The following GRAMD2B variants were observed in gnomAD, a reference collection of about 807,000 sequenced individuals.
GRAMD2B encodes GRAM domain containing 2B, also known as GRAM domain-containing protein 2B.
A neutral mutation model predicts 59.2 loss-of-function variants in GRAMD2B; 41 were observed. The observed-to-expected ratio is 0.69, with a 90% CI of 0.54 to 0.90. The LOEUF (loss-of-function observed/expected upper bound fraction) is 0.90, where lower values mean the gene tolerates loss of function less well. GRAMD2B is among the 40% of genes least tolerant of loss of function. The probability of loss-of-function intolerance (pLI) is 0.00; values close to 1 mark genes in which losing one functional copy is unlikely to be tolerated. For synonymous variants in GRAMD2B, 161 were observed against 182.7 expected (o/e 0.88, Z 0.96); for missense variants, 424 against 500.5 (o/e 0.85, Z 1.46).
intron 1 of GRAMD2B, among the ~76,000 whole-genome samples, chr5:126,389,340 T>C (rs1278429314): frequency 6.6e-6 from 1 of 152,224 alleles, no homozygotes; most frequent in Non-Finnish European, 1.5e-5. Flanking sequence ...TCATCTCACA[T>C]ATTGCTTTAT....
chr5:126,364,426 T>G (rs760232086), intron 1 of GRAMD2B, among the ~76,000 whole-genome samples: 1 of 152,234 alleles, frequency 6.6e-6, no homozygotes, highest in Non-Finnish European at 1.5e-5. Context: ...TCTATCTAAT[T>G]ACTTCACACA....
intron 1 of GRAMD2B, among the ~76,000 whole-genome samples, chr5:126,429,975 A>G (rs1761304729): frequency 6.6e-6 from 1 of 152,130 alleles, no homozygotes; most frequent in Admixed American, 6.5e-5. Flanking sequence ...TGAGCTTTTT[A>G]CTCATGGACT....
In GRAMD2B at chr5:126,384,523, A is replaced by T. The variant is rs565836851; in HGVS notation, c.125+12956A>T. ...CCCCATAAGGGCAGGGTAATATTCC[A>T]TGAGGAGATCTCACTTCAAACATGC... is the stretch of plus-strand genomic sequence containing the variant. On this transcript the variant is annotated intron_variant, in intron 1 of 8. Transcript: ENST00000506445. Among the ~76,000 whole-genome samples the T allele has an allele frequency of 1.1e-4, 16 of 152,368 alleles. No homozygotes were observed. In the South Asian group the frequency reaches 1.2e-3, roughly 12 times the overall value.
intron 1 of GRAMD2B, among the ~76,000 whole-genome samples, chr5:126,373,812 C>T (rs1169682262): frequency 6.6e-6 from 1 of 152,078 alleles, no homozygotes; most frequent in Non-Finnish European, 1.5e-5. Flanking sequence ...TGAGAAGGAG[C>T]GTGGTTGCCC....
chr5:126,394,101 T>C (rs7731430), intron 1 of GRAMD2B, among the ~76,000 whole-genome samples: 95 of 151,042 alleles, frequency 6.3e-4, no homozygotes, highest in Admixed American at 2.0e-3. Context: ...GGTGAAACCC[T>C]GTCTCTACTA....
chr5:126,381,964 C>G (rs1755697862), intron 1 of GRAMD2B, among the ~76,000 whole-genome samples: 1 of 152,038 alleles, frequency 6.6e-6, no homozygotes, highest in Admixed American at 6.6e-5. Flanking sequence ...CTTAGTTTTG[C>G]TGGGTACAAA....
chr5:126,363,795 G>T (rs531728521), intron 1 of GRAMD2B, among the ~76,000 whole-genome samples: 1 of 152,148 alleles, frequency 6.6e-6, no homozygotes, highest in South Asian at 2.1e-4. Context: ...GTAGGTTAGT[G>T]GTTGCTTAGG....
chr5:126,423,120 C>A (rs1306800017), upstream of GRAMD2B: 2 of 984,572 alleles, frequency 2.0e-6, no homozygotes, highest in Admixed American at 1.2e-4. Context: ...GACAGGGCGT[C>A]CCACTCAGAC....
At chr5:126,467,261 C>A (rs556652592) in intron 2 of GRAMD2B, among the ~76,000 whole-genome samples, 1 of 152,072 alleles carries the variant, frequency 6.6e-6, no homozygotes, top group South Asian at 2.1e-4. Flanking sequence ...CAGAGTGAGA[C>A]TTTGTCTCTA....
chr5:126,460,164 G>T (rs1259542437), intron 1 of GRAMD2B, among the ~76,000 whole-genome samples: 1 of 152,178 alleles, frequency 6.6e-6, no homozygotes, highest in Non-Finnish European at 1.5e-5. Context: ...AGAATAGCAT[G>T]CTGTCTATCA....
chr5:126,437,736 A>G (rs1207411934), intron 1 of GRAMD2B, among the ~76,000 whole-genome samples: 1 of 152,258 alleles, frequency 6.6e-6, no homozygotes, highest in East Asian at 1.9e-4. Flanking sequence ...ATCCCAAAAG[A>G]TAGTCACCAG....
intron 1 of GRAMD2B, among the ~76,000 whole-genome samples, chr5:126,444,342 G>A (rs926463348): frequency 6.6e-6 from 1 of 152,176 alleles, no homozygotes; most frequent in Non-Finnish European, 1.5e-5. Flanking sequence ...CCTCTCTAAG[G>A]TAACTTGCCT....
chr5:126,377,022 C>T (rs1005464595), intron 1 of GRAMD2B, among the ~76,000 whole-genome samples: 11 of 151,560 alleles, frequency 7.3e-5, no homozygotes, highest in African/African-American at 2.7e-4. Context: ...GAATAAAACT[C>T]GCCAGCAGTG....
chr5:126,376,918 A>G (rs1057251507), intron 1 of GRAMD2B, among the ~76,000 whole-genome samples: 2 of 151,994 alleles, frequency 1.3e-5, no homozygotes, highest in African/African-American at 4.8e-5. Context: ...AAATTGCACC[A>G]GGATATAGTG....
Position 126,423,867 on chromosome 5 carries a change from A to T in GRAMD2B, c.83+178A>T, listed in dbSNP as rs147284600. Among the ~76,000 whole-genome samples the T allele has an allele frequency of 3.6e-4, 55 of 152,264 alleles. No individual in the cohort carries two copies. The East Asian group carries it at 0.01, about 28-fold the overall frequency. Reference sequence around the variant, plus strand: ...TCTGTCTAGATATTCAGTTAAGGAGATGGTTTAGATTGATTGAAAAGTCTA... The same window carrying T: ...TCTGTCTAGATATTCAGTTAAGGAGTTGGTTTAGATTGATTGAAAAGTCTA... On this transcript the variant is annotated intron_variant, in intron 1 of 13. Coordinates refer to ENST00000285689, the MANE Select transcript of GRAMD2B (RefSeq NM_023927.4).
At chr5:126,434,486 T>C (rs1415045625) in intron 1 of GRAMD2B, among the ~76,000 whole-genome samples, 1 of 152,084 alleles carries the variant, frequency 6.6e-6, no homozygotes, top group Non-Finnish European at 1.5e-5. Context: ...ATTCTTGACT[T>C]TCCCACATGA....
At chr5:126,465,887 T>A (rs1455849382) in intron 2 of GRAMD2B, among the ~76,000 whole-genome samples, 3 of 152,030 alleles carry the variant, frequency 2.0e-5, no homozygotes, top group African/African-American at 7.3e-5. Context: ...TGTCTCACTT[T>A]CCTAGGGGCC....
At chr5:126,385,247 A>T (rs779191997) in intron 1 of GRAMD2B, among the ~76,000 whole-genome samples, 1 of 152,176 alleles carries the variant, frequency 6.6e-6, no homozygotes, top group African/African-American at 2.4e-5. Flanking sequence ...GGAACTTTCC[A>T]CTACTCCACA....
intron 1 of GRAMD2B, among the ~76,000 whole-genome samples, chr5:126,362,810 C>T (rs1334060508): frequency 6.6e-6 from 1 of 152,146 alleles, no homozygotes; most frequent in East Asian, 1.9e-4. Context: ...TACCTTACAA[C>T]ATACACAAAT....
Sources: allele counts gnomAD v4.1 joint callset (sites outside exome capture counted in the v4.1 genomes callset), GRCh38; gene constraint gnomAD v4.1.1; transcripts MANE v1.5; gene names NCBI Gene and HGNC (gene_info 2026-07-23, HGNC 2026-07-21).